The following ATP6V1C2 variants were observed in gnomAD, a reference collection of about 807,000 sequenced individuals.
ATP6V1C2 encodes the protein ATPase H+ transporting V1 subunit C2.
A neutral mutation model predicts 56.8 loss-of-function variants in ATP6V1C2; 45 were observed. The observed-to-expected ratio is 0.79, with a 90% CI of 0.62 to 1.02. The LOEUF (loss-of-function observed/expected upper bound fraction) is 1.02, where lower values mean the gene tolerates loss of function less well. Ranked by LOEUF, ATP6V1C2 falls within the 50% of genes least tolerant of loss-of-function variation. The pLI is 0.00. For missense variants in ATP6V1C2, 463 were observed against 519.7 expected, an observed-to-expected ratio of 0.89 and a Z score of 1.06; for synonymous variants, 220 against 201.3, an observed-to-expected ratio of 1.09 and a Z score of -0.79.
chr2:10,778,428 G>A, intron 11 of ATP6V1C2, 144 bp from the exon 12 acceptor site: 1 of 731,804 alleles, frequency 1.4e-6, no homozygotes, highest in South Asian at 1.7e-5. Flanking sequence ...CCTGACCCAG[G>A]GCTGGTCTGA....
chr2:10,780,282 AC>A lies in ATP6V1C2; in HGVS notation c.1061+1617del, dbSNP rs1665266200. Among the ~76,000 whole-genome samples, 1 of 151,208 alleles carries A rather than the reference AC, an allele frequency of 6.6e-6. No homozygotes were observed. Among genetic ancestry groups the A allele is most frequent in the South Asian group, 2.1e-4 (1 of 4,756 alleles). ...CCCAAACTTCAGGGTCAGTTTAGACACCCCTGACAGGCCCGGTCCACTCCGC... is the reference window on the plus strand; with the variant it reads ...CCCAAACTTCAGGGTCAGTTTAGACACCCTGACAGGCCCGGTCCACTCCGC... On this transcript the variant is annotated intron_variant, in intron 12 of 13. Transcript: ENST00000272238. The surrounding 1 kb of genome is among the most constrained non-coding windows in gnomAD (Gnocchi z 4.1).
Position 10,772,626 on chromosome 2 carries a change from G to C in ATP6V1C2, c.638+16G>C, listed in dbSNP as rs750711502. The C allele has an allele frequency of 5.0e-6, 8 of 1,610,956 alleles. No individual in the cohort carries two copies. In the Middle Eastern group the frequency reaches 5.0e-4, roughly 100 times the overall value. On this transcript the variant is annotated intron_variant, in intron 8 of 13. Transcript: ENST00000272238. ...GATCAACCAAGTAAGTGAGACCCCA[G>C]CTTGGTCCCAGGGCCCCTGGGGTAC... is the stretch of plus-strand genomic sequence containing the variant.
intron 3 of ATP6V1C2, 86 bp downstream of exon 3, chr2:10,726,655 A>C (rs1259512456): frequency 8.0e-7 from 1 of 1,249,330 alleles, no homozygotes; most frequent in Non-Finnish European, 1.2e-6. Context: ...GCTGAACCGG[A>C]GTATGGACTT....
chr2:10,771,309 A>G (rs1028379972), intron 6 of ATP6V1C2, among the ~76,000 whole-genome samples: 1 of 152,226 alleles, frequency 6.6e-6, no homozygotes, highest in African/African-American at 2.4e-5. Context: ...TGTGCCAATA[A>G]TACCATACCC....
intron 4 of ATP6V1C2, among the ~76,000 whole-genome samples, chr2:10,759,228 G>T (rs777375817): frequency 2.6e-5 from 4 of 152,326 alleles, no homozygotes; most frequent in Admixed American, 2.0e-4. Context: ...TCTTGGCTTC[G>T]TCAGGACCGG....
intron 3 of ATP6V1C2, among the ~76,000 whole-genome samples, chr2:10,743,992 A>T (rs906146007): frequency 9.4e-4 from 31 of 32,868 alleles, no homozygotes; most frequent in East Asian, 1.7e-3. Context: ...AAAAAAAAAA[A>T]AAAAATAATA....
intron 5 of ATP6V1C2, 67 bp downstream of exon 5, chr2:10,764,492 G>A (rs1206061932): frequency 7.3e-7 from 1 of 1,374,266 alleles, no homozygotes; most frequent in Non-Finnish European, 1.0e-6. Flanking sequence ...CCTGGGTAGG[G>A]CCCCCCTGCC....
chr2:10,738,769 G>A (rs193030631), intron 3 of ATP6V1C2, among the ~76,000 whole-genome samples: 29 of 152,170 alleles, frequency 1.9e-4, no homozygotes, highest in African/African-American at 3.4e-4. Context: ...CCTAGGGTTC[G>A]TTCCCATCTC....
rs1014823172 is a variant in ATP6V1C2, at chr2:10,772,568, C to T, written c.596C>T (p.Thr199Ile). ...CCAAACTACTCACAATGGCAAAAAACCTACGAATCTCTCTCAGACATGGTG... is the reference window on the plus strand; with the variant it reads ...CCAAACTACTCACAATGGCAAAAAATCTACGAATCTCTCTCAGACATGGTG... Reference protein sequence around the residue: ...PKPNYSQWQKTYESLSDMVVP... With the variant: ...PKPNYSQWQKIYESLSDMVVP... The change falls in exon 8 of 14, where the codon ACC (threonine) becomes ATC (isoleucine). Residue 199 changes from threonine (T) to isoleucine (I), a missense_variant. Transcript: ENST00000272238. 6.2e-7 allele frequency: 1 copy of T among 1,614,132 alleles called. No individual in the cohort carries two copies. Among genetic ancestry groups the T allele is most frequent in the Non-Finnish European group, 8.5e-7 (1 of 1,179,990 alleles).
chr2:10,742,986 A>G (rs1431732872), intron 3 of ATP6V1C2, among the ~76,000 whole-genome samples: 3 of 150,614 alleles, frequency 2.0e-5, no homozygotes, highest in Non-Finnish European at 4.4e-5. Context: ...CACTCCTCCC[A>G]CTCCATCTTA....
chr2:10,736,381 G>A (rs1008442237), intron 3 of ATP6V1C2, among the ~76,000 whole-genome samples: 1 of 152,088 alleles, frequency 6.6e-6, no homozygotes, highest in South Asian at 2.1e-4. Context: ...GAGTAGATTC[G>A]CAAATTGCAT....
chr2:10,752,241 ACT>A (rs1310550567), intron 3 of ATP6V1C2, among the ~76,000 whole-genome samples: 1 of 152,066 alleles, frequency 6.6e-6, no homozygotes, highest in African/African-American at 2.4e-5. Flanking sequence ...TAAACACATG[ACT>A]CTGGGAGTCA....
At chr2:10,777,231 G>A (rs1415165559) in intron 10 of ATP6V1C2, among the ~76,000 whole-genome samples, 2 of 152,200 alleles carry the variant, frequency 1.3e-5, no homozygotes, top group African/African-American at 2.4e-5. Flanking sequence ...TTGACAGAGC[G>A]CAGAGAGCCG....
In ATP6V1C2 at chr2:10,779,912, C is replaced by T. The variant is rs184770432; in HGVS notation, c.1061+1243C>T. The stretch of plus-strand genomic sequence containing the variant: ...AATCAGAGGAAACGCCTTCGAAGGC[C>T]GCTTTTCTGCCCTGTGTGGCTGCGT... On this transcript the variant is annotated intron_variant, in intron 12 of 13. Transcript: ENST00000272238. Among the ~76,000 whole-genome samples, 33 of 152,154 alleles carry T rather than the reference C, an allele frequency of 2.2e-4. 1 individual carries two copies. In the East Asian group the frequency reaches 5.2e-3, roughly 24 times the overall value.
At chr2:10,781,596 CAG>C (rs1022774257) in intron 12 of ATP6V1C2, among the ~76,000 whole-genome samples, 3 of 152,178 alleles carry the variant, frequency 2.0e-5, no homozygotes, top group Non-Finnish European at 4.4e-5. Flanking sequence ...CGTGTAAAAA[CAG>C]ACTTCACATC....
intron 6 of ATP6V1C2, among the ~76,000 whole-genome samples, chr2:10,769,461 T>C (rs1048503736): frequency 6.6e-6 from 1 of 151,982 alleles, no homozygotes; most frequent in Non-Finnish European, 1.5e-5. Flanking sequence ...CCCAGCACTT[T>C]GGGAGGCTGA....
rs1187734983 is a variant in ATP6V1C2 at position 10,746,116 on chromosome 2, C to A, written c.198-7865C>A. Among the ~76,000 whole-genome samples, 3 of 152,238 alleles carry A rather than the reference C, an allele frequency of 2.0e-5. No individual in the cohort carries two copies. In the East Asian group the frequency reaches 5.8e-4, roughly 30 times the overall value. ...CTGGGTTTAAGCAATTCTCCTGCCT[C>A]AGCCTCCCGAGTAGCTGGAACTACA... On this transcript the variant is annotated intron_variant, in intron 3 of 13. Coordinates refer to ENST00000272238, the MANE Select transcript of ATP6V1C2 (RefSeq NM_001039362.2).
At chr2:10,775,108 C>G (rs1170638638) in intron 10 of ATP6V1C2, 37 bp downstream of exon 10, 1 of 1,538,274 alleles carries the variant, frequency 6.5e-7, no homozygotes, top group Non-Finnish European at 9.0e-7. Flanking sequence ...CCGCCCCTAC[C>G]CGGAGGCCTG....
At chr2:10,779,779 C>T (rs994207765) in intron 12 of ATP6V1C2, among the ~76,000 whole-genome samples, 6 of 151,166 alleles carry the variant, frequency 4.0e-5, no homozygotes, top group African/African-American at 1.5e-4. Flanking sequence ...TTAATTTTAA[C>T]ACCAGGAGAG....
Sources: allele counts gnomAD v4.1 joint callset (sites outside exome capture counted in the v4.1 genomes callset), GRCh38; gene constraint gnomAD v4.1.1; non-coding constraint Gnocchi (gnomAD v3.1); transcripts MANE v1.5; gene names NCBI Gene and HGNC (gene_info 2026-07-23, HGNC 2026-07-21).